The following F13A1 variants were observed in gnomAD, a reference collection of about 807,000 sequenced individuals.
The protein encoded by F13A1 is FSF, A subunit.
In F13A1, 47 loss-of-function variants were observed where a neutral mutation model predicts 80.1. The observed-to-expected ratio is 0.59, with a 90% CI of 0.46 to 0.75. The LOEUF (loss-of-function observed/expected upper bound fraction) is 0.75. Ranked by LOEUF, F13A1 falls within the 30% of genes least tolerant of loss-of-function variation. The pLI is 0.00. For missense variants in F13A1, 817 were observed against 930.4 expected (o/e 0.88, Z 1.59); for synonymous variants, 349 against 344.9 (o/e 1.01, Z -0.13).
At chr6:6,275,145 G>A (rs1309538304) in intron 3 of F13A1, among the ~76,000 whole-genome samples, 1 of 152,034 alleles carries the variant, frequency 6.6e-6, no homozygotes, top group Non-Finnish European at 1.5e-5. Context: ...AAACCAGTCA[G>A]AGGGTGCTGA....
chr6:6,295,358 C>T (rs1430571216), intron 3 of F13A1, among the ~76,000 whole-genome samples: 4 of 145,714 alleles, frequency 2.7e-5, no homozygotes, highest in Non-Finnish European at 5.9e-5. Flanking sequence ...TACAGTCCCA[C>T]CAACAGTGTA....
intron 8 of F13A1, among the ~76,000 whole-genome samples, chr6:6,200,177 G>A (rs1761367702): frequency 6.6e-6 from 1 of 152,098 alleles, no homozygotes; most frequent in Non-Finnish European, 1.5e-5. Context: ...AGCGGAGGAG[G>A]AGGTTGCGGG....
chr6:6,223,853 G>A (rs1246125935), intron 7 of F13A1, among the ~76,000 whole-genome samples: 3 of 152,042 alleles, frequency 2.0e-5, no homozygotes, highest in Non-Finnish European at 2.9e-5. Context: ...TTAATGAGCA[G>A]GCAGAAAGGA....
intron 3 of F13A1, among the ~76,000 whole-genome samples, chr6:6,295,764 T>C (rs1758315657): frequency 1.4e-5 from 2 of 139,920 alleles, no homozygotes; most frequent in South Asian, 4.4e-4. Context: ...ATCCCATTTG[T>C]CAATTTTGGC....
intron 10 of F13A1, among the ~76,000 whole-genome samples, chr6:6,183,925 T>C (rs1761031859): frequency 6.6e-6 from 1 of 152,256 alleles, no homozygotes; most frequent in African/African-American, 2.4e-5. Context: ...TATGTGAACA[T>C]GACTTGTAAA....
chr6:6,279,875 C>A (rs1479286540), intron 3 of F13A1, among the ~76,000 whole-genome samples: 1 of 152,174 alleles, frequency 6.6e-6, no homozygotes, highest in Non-Finnish European at 1.5e-5. Flanking sequence ...ACAAAACAGG[C>A]CAACTGATGA....
chr6:6,211,659 T>G (rs767277137), intron 8 of F13A1, among the ~76,000 whole-genome samples: 8 of 151,894 alleles, frequency 5.3e-5, no homozygotes, highest in Admixed American at 1.3e-4. Context: ...GAAGTGACAA[T>G]AATTAGGGGG....
chr6:6,209,444 A>C (rs940705984), intron 8 of F13A1, among the ~76,000 whole-genome samples: 2 of 152,182 alleles, frequency 1.3e-5, no homozygotes, highest in African/African-American at 4.8e-5. Flanking sequence ...TTGGCACTTC[A>C]TCAAAAGAAA....
At chr6:6,177,305 T>A (rs1313561176) in intron 11 of F13A1, among the ~76,000 whole-genome samples, 1 of 152,178 alleles carries the variant, frequency 6.6e-6, no homozygotes, top group Non-Finnish European at 1.5e-5. Flanking sequence ...GTCCTCCCCC[T>A]CTTACCTTGT....
At chr6:6,163,119 GTC>G (rs1158777018) in intron 13 of F13A1, among the ~76,000 whole-genome samples, 1 of 152,168 alleles carries the variant, frequency 6.6e-6, no homozygotes, top group Non-Finnish European at 1.5e-5. Context: ...TCTCCTCTCT[GTC>G]TCTCACATAA....
intron 13 of F13A1, among the ~76,000 whole-genome samples, chr6:6,157,553 C>G (rs1760498027): frequency 6.6e-6 from 1 of 152,124 alleles, no homozygotes; most frequent in African/African-American, 2.4e-5. Flanking sequence ...TAAGTTGACC[C>G]TGAACTAAAT....
intron 10 of F13A1, among the ~76,000 whole-genome samples, chr6:6,190,306 T>C (rs1483941915): frequency 2.0e-5 from 3 of 152,264 alleles, no homozygotes; most frequent in African/African-American, 7.2e-5. Context: ...CGCTCTTCTT[T>C]CTAGAGTTTC....
At position 6,197,318 on chromosome 6, in the gene F13A1, TG is replaced by T. The variant is rs1761309443; in HGVS notation, c.1120del (p.His374ThrfsTer8). Reference sequence around the variant, plus strand: ...TGTCATCCATGCTTCATTCCAGCAGTGGTAGTTCCTTAGAAAACACAAGCCC... The same window carrying T: ...TGTCATCCATGCTTCATTCCAGCAGTGTAGTTCCTTAGAAAACACAAGCCC... ...KLTKDSVWNYHCWNEAWMTRP... is the reference protein window; with the variant it reads ...KLTKDSVWNYXCWNEAWMTRP... On this transcript the variant is annotated frameshift_variant, in exon 9 of 15. Coordinates refer to ENST00000264870, the MANE Select transcript of F13A1 (RefSeq NM_000129.4). LOFTEE classifies it high-confidence loss of function. The T allele has an allele frequency of 6.2e-7, 1 of 1,614,066 alleles. No homozygotes were observed. The highest frequency in any genetic ancestry group is 1.7e-5 in the Admixed American group (1 of 60,026).
intron 3 of F13A1, among the ~76,000 whole-genome samples, chr6:6,302,294 A>G (rs1332402353): frequency 6.6e-6 from 1 of 152,146 alleles, no homozygotes; most frequent in Non-Finnish European, 1.5e-5. Context: ...CATGCACGGG[A>G]TGTAATATGT....
At chr6:6,178,749 G>C (rs1040800085) in intron 11 of F13A1, among the ~76,000 whole-genome samples, 1 of 152,082 alleles carries the variant, frequency 6.6e-6, no homozygotes, top group Non-Finnish European at 1.5e-5. Flanking sequence ...GGAAAAGAGG[G>C]TCAGGCAGGA....
intron 2 of F13A1, among the ~76,000 whole-genome samples, chr6:6,318,222 C>G (rs1758713920): frequency 6.6e-6 from 1 of 152,194 alleles, no homozygotes; most frequent in Admixed American, 6.5e-5. Flanking sequence ...AGCAGTAGGG[C>G]TGGAAGAGGC....
chr6:6,318,410 T>C, intron 2 of F13A1, 125 bp downstream of exon 2: 1 of 1,236,938 alleles, frequency 8.1e-7, no homozygotes, highest in Non-Finnish European at 1.1e-6. Context: ...AAACCAGAGA[T>C]TGGCAGGGGG....
At chr6:6,262,542 C>T (rs1379267056) in intron 4 of F13A1, among the ~76,000 whole-genome samples, 2 of 152,158 alleles carry the variant, frequency 1.3e-5, no homozygotes, top group African/African-American at 4.8e-5. Flanking sequence ...GAAGATTGTG[C>T]TAGTTTGCCC....
At chr6:6,289,428 A>G (rs976780358) in intron 3 of F13A1, among the ~76,000 whole-genome samples, 1 of 150,308 alleles carries the variant, frequency 6.7e-6, no homozygotes, top group Non-Finnish European at 1.5e-5. Context: ...TTTACTATGC[A>G]AATACACACA....
Sources: gnomAD v4.1 joint callset for allele counts (sites outside exome capture counted in the v4.1 genomes callset) on GRCh38, gnomAD v4.1.1 for gene constraint, MANE v1.5 for transcripts, NCBI Gene and HGNC (gene_info 2026-07-23, HGNC 2026-07-21) for gene names.